JARID2: variants seen among roughly 807,000 people sequenced by gnomAD.
JARID2 encodes the protein protein Jumonji.
Under a neutral mutation model 125.6 loss-of-function variants are expected in JARID2, and 21 were observed. That is an observed-to-expected ratio of 0.17 (90% CI 0.12 to 0.24). JARID2 has a LOEUF of 0.24. Ranked by LOEUF, JARID2 falls within the 10% of genes least tolerant of loss-of-function variation. The pLI is 1.00. For synonymous variants in JARID2, 736 were observed against 661.6 expected, an observed-to-expected ratio of 1.11 and a Z score of -1.73; for missense variants, 1,303 against 1,639.6, an observed-to-expected ratio of 0.79 and a Z score of 3.55.
intron 3 of JARID2, among the ~76,000 whole-genome samples, chr6:15,413,794 A>C (rs1766008065): frequency 6.6e-6 from 1 of 152,060 alleles, no homozygotes; most frequent in Non-Finnish European, 1.5e-5. Context: ...ATTTATAACA[A>C]ACCCACTCCC....
chr6:15,466,422 T>G (rs1163077970), intron 4 of JARID2, among the ~76,000 whole-genome samples: 1 of 152,224 alleles, frequency 6.6e-6, no homozygotes, highest in Admixed American at 6.5e-5. Context: ...CATGGATATT[T>G]TTATCTGGGA....
chr6:15,397,436 G>C (rs1055264703), intron 2 of JARID2, among the ~76,000 whole-genome samples: 1 of 152,150 alleles, frequency 6.6e-6, no homozygotes, highest in Non-Finnish European at 1.5e-5. Flanking sequence ...TTTGCGATTA[G>C]TAGTTTTGGG....
intron 1 of JARID2, among the ~76,000 whole-genome samples, chr6:15,250,922 CTTT>C (rs34348303): frequency 1.4e-5 from 2 of 147,942 alleles, no homozygotes; most frequent in Admixed American, 6.7e-5. Flanking sequence ...CAAAATGGAA[CTTT>C]TTTTTTTTTT....
intron 3 of JARID2, among the ~76,000 whole-genome samples, chr6:15,441,077 T>G (rs1767426922): frequency 6.6e-6 from 1 of 152,186 alleles, no homozygotes; most frequent in Non-Finnish European, 1.5e-5. Flanking sequence ...GGCTAGATGT[T>G]GTGGGTTTTC....
chr6:15,250,228 A>G (rs1271203237), intron 1 of JARID2, among the ~76,000 whole-genome samples: 1 of 152,244 alleles, frequency 6.6e-6, no homozygotes, highest in East Asian at 1.9e-4. Context: ...AGTTTTTGTT[A>G]TAAGCTTCAA....
chr6:15,386,606 G>A (rs1764799045), intron 2 of JARID2, among the ~76,000 whole-genome samples: 1 of 152,188 alleles, frequency 6.6e-6, no homozygotes, highest in South Asian at 2.1e-4. Context: ...ACAGGCGTGA[G>A]CCACTTCGCC....
intron 1 of JARID2, among the ~76,000 whole-genome samples, chr6:15,291,219 A>AGC (rs578026144): frequency 6.6e-6 from 1 of 152,188 alleles, no homozygotes; most frequent in South Asian, 2.1e-4. Flanking sequence ...TGGGTAATAG[A>AGC]GCGAGACCCT....
intron 1 of JARID2, among the ~76,000 whole-genome samples, chr6:15,361,631 C>T (rs1164753709): frequency 2.6e-5 from 4 of 151,220 alleles, no homozygotes; most frequent in Non-Finnish European, 5.9e-5. Context: ...TTTTTTTTGG[C>T]GGGAGGGTGG....
At chr6:15,388,850 G>C (rs1193099609) in intron 2 of JARID2, among the ~76,000 whole-genome samples, 2 of 151,998 alleles carry the variant, frequency 1.3e-5, no homozygotes, top group Non-Finnish European at 2.9e-5. Context: ...CTAATGGCTG[G>C]TTCAGCTCTT....
At chr6:15,415,451 CCCCA>C in intron 3 of JARID2, among the ~76,000 whole-genome samples, 1 of 147,178 alleles carries the variant, frequency 6.8e-6, no homozygotes, top group African/African-American at 2.5e-5. Context: ...GGGCTGACAC[CCCCA>C]CCTCCCTCCC....
chr6:15,363,281 G>T (rs1215020121), intron 1 of JARID2, among the ~76,000 whole-genome samples: 1 of 152,172 alleles, frequency 6.6e-6, no homozygotes, highest in African/African-American at 2.4e-5. Context: ...CACTTCTCAC[G>T]TGTAATCCCT....
intron 1 of JARID2, among the ~76,000 whole-genome samples, chr6:15,310,708 C>T (rs770537932): frequency 3.2e-4 from 49 of 152,192 alleles, no homozygotes; most frequent in Non-Finnish European, 5.9e-4. Context: ...GGATTTCAAT[C>T]TCCAGAATTC....
In JARID2 at chr6:15,497,930, G is replaced by A. The variant is rs572167470; in HGVS notation, c.1945+760G>A. On this transcript the variant is annotated intron_variant, in intron 7 of 17. Transcript: ENST00000341776. ...TGTTTTCTCCCTGTGTCCTCACAGG[G>A]TCCTACCTCTATGTGTGTCTGTGTC... Among the ~76,000 whole-genome samples, 8 of 152,298 alleles carry A rather than the reference G, an allele frequency of 5.3e-5. No individual in the cohort carries two copies. The South Asian group carries it at 1.5e-3, about 28-fold the overall frequency.
intron 3 of JARID2, among the ~76,000 whole-genome samples, chr6:15,415,141 C>T (rs1001693756): frequency 2.6e-5 from 4 of 152,202 alleles, no homozygotes; most frequent in South Asian, 2.1e-4. Flanking sequence ...GTAAGGTCAC[C>T]GATCAACAGG....
intron 4 of JARID2, among the ~76,000 whole-genome samples, chr6:15,465,168 T>C (rs1768656067): frequency 6.6e-6 from 1 of 152,146 alleles, no homozygotes; most frequent in Admixed American, 6.5e-5. Context: ...AATTATCGTC[T>C]ATGGGCCGGG....
At chr6:15,368,289 A>G (rs1047119209) in intron 1 of JARID2, among the ~76,000 whole-genome samples, 1 of 152,120 alleles carries the variant, frequency 6.6e-6, no homozygotes, top group African/African-American at 2.4e-5. Context: ...ATCACAGGAA[A>G]ATAAAATTGT....
At position 15,400,867 on chromosome 6, in the gene JARID2, G is replaced by C. The variant is rs1389934760; in HGVS notation, c.182-9357G>C. ...GGGGAGGATTGTTGACAAGTGCTCC[G>C]GAGCCTGCCTCACTGCGCTCTTCCT... On this transcript the variant is annotated intron_variant, in intron 2 of 17. Coordinates refer to ENST00000341776, the MANE Select transcript of JARID2 (RefSeq NM_004973.4). 3.9e-6 allele frequency: 5 copies of C among 1,286,198 alleles called. No homozygotes were observed. In the East Asian group the frequency reaches 2.8e-4, roughly 72 times the overall value. The allele number at this position is 1,286,198 out of a possible 1,614,324, so 79.7% of individuals were successfully genotyped here. A position where few individuals can be genotyped will look rare whatever the true frequency, so the allele number is the denominator to read the frequency against.
chr6:15,446,086 A>C (rs1241676402), intron 3 of JARID2, among the ~76,000 whole-genome samples: 1 of 152,164 alleles, frequency 6.6e-6, no homozygotes. Flanking sequence ...GTTGCCATTC[A>C]GTCTGCCCCT....
chr6:15,410,426 A>G (rs1765828383), intron 3 of JARID2, 61 bp downstream of exon 3: 1 of 1,528,196 alleles, frequency 6.5e-7, no homozygotes, highest in Non-Finnish European at 9.0e-7. Context: ...CTCAGGTGCC[A>G]GTTTTCACCA....
Sources: allele counts gnomAD v4.1 joint callset (sites outside exome capture counted in the v4.1 genomes callset), GRCh38; gene constraint gnomAD v4.1.1; transcripts MANE v1.5; gene names NCBI Gene and HGNC (gene_info 2026-07-23, HGNC 2026-07-21).